The following PCDHA3 variants were observed in gnomAD, a reference collection of about 807,000 sequenced individuals.
PCDHA3 encodes protocadherin alpha 3.
A neutral mutation model predicts 62.2 loss-of-function variants in PCDHA3; 41 were observed. The observed-to-expected ratio is 0.66, with a 90% CI of 0.51 to 0.86. The LOEUF is 0.86. Ranked by LOEUF, PCDHA3 falls within the 40% of genes least tolerant of loss-of-function variation. PCDHA3 has a pLI of 0.00. For synonymous variants in PCDHA3, 640 were observed against 555.4 expected (o/e 1.15, Z -2.14); for missense variants, 1,304 against 1,241.2 (o/e 1.05, Z -0.76).
In PCDHA3 at chr5:140,854,136, C is replaced by T. The variant is rs1341561455; in HGVS notation, c.2394+50545C>T. 15 of 398,606 alleles carry T rather than the reference C, an allele frequency of 3.8e-5. 1 individual carries two copies. The highest frequency in any genetic ancestry group is 1.0e-4 in the South Asian group (1 of 9,692). 24.7% of individuals were successfully genotyped at this position (398,606 alleles called of 1,614,324 possible). ...GTGATGGCACAACTGCATTTCAGCCCGGGTGACAGCAAGATTCTGTCTCAA... is the reference window on the plus strand; with the variant it reads ...GTGATGGCACAACTGCATTTCAGCCTGGGTGACAGCAAGATTCTGTCTCAA... On this transcript the variant is annotated intron_variant, in intron 1 of 3. Transcript: ENST00000522353.
In PCDHA3 at chr5:140,801,539, G is replaced by C; in HGVS notation, c.342G>C (p.Leu114=). The C allele has an allele frequency of 6.2e-7, 1 of 1,614,262 alleles. No individual in the cohort carries two copies. Among genetic ancestry groups the C allele is most frequent in the Non-Finnish European group, 8.5e-7 (1 of 1,180,048 alleles). The part of the protein sequence containing the change: ...IHLEVIVDRP[L]QVFHVEVEVK... ...TGGAGGTGATCGTGGACAGGCCGCT[G>C]CAGGTTTTCCATGTGGAGGTGGAAG... The change falls in exon 1 of 4, where the codon CTG becomes CTC. Residue 114 remains leucine, a synonymous_variant. Transcript: ENST00000522353.
intron 1 of PCDHA3, among the ~76,000 whole-genome samples, chr5:140,939,605 G>GAACAAGGA (rs1468383916): frequency 1.3e-5 from 2 of 152,082 alleles, no homozygotes; most frequent in African/African-American, 4.8e-5. Flanking sequence ...CTCAAAAACA[G>GAACAAGGA]AACAAGGAGA....
chr5:140,832,332 T>C (rs2150201022), intron 1 of PCDHA3, among the ~76,000 whole-genome samples: 5 of 152,348 alleles, frequency 3.3e-5, no homozygotes, highest in South Asian at 2.1e-4. Context: ...ATTAGAGGAC[T>C]GAGTTGTGGT....
At chr5:140,829,657 G>A (rs1554132157) in intron 1 of PCDHA3, 2 of 1,612,592 alleles carry the variant, frequency 1.2e-6, no homozygotes, top group Non-Finnish European at 1.7e-6. Flanking sequence ...CGCTGCAGCC[G>A]CTGGACCACG....
chr5:140,985,039 G>A lies in PCDHA3; in HGVS notation c.2542+2476G>A, dbSNP rs112093918. Among the ~76,000 whole-genome samples the A allele has an allele frequency of 5.2e-3, 789 of 152,178 alleles. 6 individuals carry two copies. Among genetic ancestry groups the A allele is most frequent in the African/African-American group, 0.018 (750 of 41,516 alleles). ...AGCAACCTCTGCCTCCTGGGTTCAA[G>A]TGATTCTCCTGCCTCAGCCTCCTGA... On this transcript the variant is annotated intron_variant, in intron 3 of 3. Transcript: ENST00000522353.
At chr5:140,959,407 G>A (rs1449444307) in intron 1 of PCDHA3, among the ~76,000 whole-genome samples, 3 of 152,052 alleles carry the variant, frequency 2.0e-5, no homozygotes, top group African/African-American at 7.2e-5. Flanking sequence ...ATAAAGTGTT[G>A]ATTGATCTGA....
chr5:140,823,140 G>A (rs2150122762), intron 1 of PCDHA3: 8 of 1,613,882 alleles, frequency 5.0e-6, no homozygotes, highest in Non-Finnish European at 6.8e-6. Context: ...CGGCGTTCGC[G>A]CAGCCCCAGT....
At chr5:140,949,597 C>T (rs1279469149) in intron 1 of PCDHA3, among the ~76,000 whole-genome samples, 1 of 151,600 alleles carries the variant, frequency 6.6e-6, no homozygotes, top group African/African-American at 2.4e-5. Flanking sequence ...TTAATGTGGC[C>T]ATTCTAGTCT....
chr5:140,856,786 T>C (rs1304575446), intron 1 of PCDHA3: 4 of 1,596,308 alleles, frequency 2.5e-6, no homozygotes, highest in East Asian at 4.5e-5. Context: ...GACCGGTTTA[T>C]GAAGTTAAGA....
chr5:141,010,869 A>T lies in PCDHA3; in HGVS notation c.*932A>T, dbSNP rs1434984330. The T allele has an allele frequency of 1.3e-5, 2 of 153,786 alleles. No individual in the cohort carries two copies. Among genetic ancestry groups the T allele is most frequent in the African/African-American group, 4.8e-5 (2 of 41,464 alleles). The allele number at this position is 153,786 out of a possible 1,614,324, so 9.5% of individuals were successfully genotyped here. On this transcript the variant is annotated 3_prime_UTR_variant, in exon 4 of 4. Coordinates refer to ENST00000522353, the MANE Select transcript of PCDHA3 (RefSeq NM_018906.3). Reference sequence around the variant, plus strand: ...AAAAAAAGAGAAAGTCTATAGCTATAAATCTTTAAAGAGAAATATGAATAC... The same window carrying T: ...AAAAAAAGAGAAAGTCTATAGCTATTAATCTTTAAAGAGAAATATGAATAC...
At chr5:140,819,004 A>G (rs1319614838) in intron 1 of PCDHA3, among the ~76,000 whole-genome samples, 1 of 152,238 alleles carries the variant, frequency 6.6e-6, no homozygotes, top group African/African-American at 2.4e-5. Context: ...TCCACAGAGG[A>G]TATATAATAT....
chr5:140,968,383 T>C, intron 1 of PCDHA3: 1 of 1,614,044 alleles, frequency 6.2e-7, no homozygotes. Context: ...CCTTTGACTA[T>C]GAGAAGTTTC....
chr5:140,900,693 T>A (rs1223398418), intron 1 of PCDHA3, among the ~76,000 whole-genome samples: 1 of 152,242 alleles, frequency 6.6e-6, no homozygotes, highest in African/African-American at 2.4e-5. Flanking sequence ...TATACTGATT[T>A]CCGTTCTTTT....
chr5:140,833,598 C>T (rs1772539166), intron 1 of PCDHA3, among the ~76,000 whole-genome samples: 1 of 152,154 alleles, frequency 6.6e-6, no homozygotes, highest in African/African-American at 2.4e-5. Context: ...TATATAGATT[C>T]TGCTAAAGCA....
intron 1 of PCDHA3, chr5:140,829,092 G>T (rs2150162526): frequency 6.2e-7 from 1 of 1,611,480 alleles, no homozygotes; most frequent in South Asian, 1.1e-5. Flanking sequence ...GCGGGTCATT[G>T]CACCGTTTTA....
Position 140,801,720 on chromosome 5 carries a change from A to G in PCDHA3, c.523A>G (p.Thr175Ala). ...GTTGTTGACTTACAGTCTTGATTCC[A>G]CTGAATATTTTACCTTGGACGTTAA... ...NSLLTYSLDS[T>A]EYFTLDVKRN... is the part of the protein sequence containing the mutation. Residue 175 changes from threonine (T) to alanine (A), a missense_variant, in exon 1 of 4, where the codon ACT (threonine) becomes GCT (alanine). Physicochemically the swap from Thr to Ala is moderately conservative, Grantham distance 58. Transcript: ENST00000522353. 1.2e-6 allele frequency: 2 copies of G among 1,614,086 alleles called. No homozygotes were observed. Among genetic ancestry groups the G allele is most frequent in the South Asian group, 1.1e-5 (1 of 91,080 alleles).
intron 1 of PCDHA3, among the ~76,000 whole-genome samples, chr5:140,906,517 TACTC>T (rs2072719927): frequency 2.0e-5 from 3 of 152,358 alleles, no homozygotes; most frequent in Admixed American, 6.5e-5. Context: ...AAGGAGGAAA[TACTC>T]ACGACAATTA....
chr5:140,968,989 C>T, intron 1 of PCDHA3: 1 of 1,614,234 alleles, frequency 6.2e-7, no homozygotes, highest in Non-Finnish European at 8.5e-7. Flanking sequence ...GCACTGCATG[C>T]TGTGGAGGCT....
At position 140,877,266 on chromosome 5, in the gene PCDHA3, C is replaced by A. The variant is rs2056980298; in HGVS notation, c.2394+73675C>A. The A allele has an allele frequency of 4.3e-6, 7 of 1,613,808 alleles. No individual in the cohort carries two copies. The South Asian group carries it at 5.5e-5, about 13-fold the overall frequency. ...TGGTGGCGAAAGTGCGCGCGGTGGA[C>A]GCTGACTCCGGCTATAACGCTTGGC... On this transcript the variant is annotated intron_variant, in intron 1 of 3. Transcript: ENST00000522353.
Sources: gnomAD v4.1 joint callset for allele counts (sites outside exome capture counted in the v4.1 genomes callset) on GRCh38, gnomAD v4.1.1 for gene constraint, MANE v1.5 for transcripts, NCBI Gene and HGNC (gene_info 2026-07-23, HGNC 2026-07-21) for gene names.